The following UEVLD variants were observed in gnomAD, a reference collection of about 807,000 sequenced individuals.
UEVLD encodes the protein ubiquitin-conjugating enzyme E2 variant 3.
A neutral mutation model predicts 58.6 loss-of-function variants in UEVLD; 47 were observed. The ratio of observed to expected loss-of-function variants is 0.80; its 90% confidence interval spans 0.63 to 1.02. UEVLD has a LOEUF of 1.02. Ranked by LOEUF, UEVLD falls within the 50% of genes least tolerant of loss-of-function variation. The probability of loss-of-function intolerance (pLI) is 0.00; values close to 1 mark genes in which losing one functional copy is unlikely to be tolerated. For missense variants in UEVLD, 510 were observed against 550.6 expected, an observed-to-expected ratio of 0.93 and a Z score of 0.74; for synonymous variants, 197 against 195.3, an observed-to-expected ratio of 1.01 and a Z score of -0.07.
intron 1 of UEVLD, chr11:18,579,442 A>T (rs1853117140): frequency 1.0e-6 from 1 of 985,298 alleles, no homozygotes; most frequent in South Asian, 4.7e-5. Flanking sequence ...AGACAGCTTA[A>T]ATGATGAGGC....
At chr11:18,560,090 TACACACACACACACACACAC>T (rs71050609) in intron 6 of UEVLD, among the ~76,000 whole-genome samples, 41 of 76,104 alleles carry the variant, frequency 5.4e-4, no homozygotes, top group African/African-American at 1.2e-3. Context: ...ACCCCGTCTC[TACACACACACACACACACAC>T]ACACACACAC....
At chr11:18,570,582 C>T in intron 3 of UEVLD, 1 of 316,978 alleles carries the variant, frequency 3.2e-6, no homozygotes, top group Non-Finnish European at 5.6e-6. Flanking sequence ...CCCATCTCTA[C>T]AAAAAATTTT....
In UEVLD at chr11:18,530,106, C is replaced by A. The variant is rs1351626850; in HGVS notation, c.*2214G>T. ...AATATTTTCTGGTTAGATTATTGTTCAAAAGCATATTACATATTATCTAAC... is the reference window on the plus strand; with the variant it reads ...AATATTTTCTGGTTAGATTATTGTTAAAAAGCATATTACATATTATCTAAC... On this transcript the variant is annotated 3_prime_UTR_variant, in exon 12 of 12. Coordinates refer to ENST00000396197, the MANE Select transcript of UEVLD (RefSeq NM_001040697.4). 1 of 151,992 alleles carries A rather than the reference C, an allele frequency of 6.6e-6. No homozygotes were observed. The highest frequency in any genetic ancestry group is 1.5e-5 in the Non-Finnish European group (1 of 67,978). The allele number at this position is 151,992 out of a possible 1,614,324, so 9.4% of individuals were successfully genotyped here.
In UEVLD at chr11:18,578,767, T is replaced by C; in HGVS notation, c.84A>G (p.Val28=). 6.2e-7 allele frequency: 1 copy of C among 1,608,910 alleles called. No homozygotes were observed. Among genetic ancestry groups the C allele is most frequent in the Non-Finnish European group, 8.5e-7 (1 of 1,177,548 alleles). ...RDLTVEELRN[V]NVFFPHFKYS... ...ATTTGAAATGTGGGAAAAATACATTTACATTCCTTAGTTCTTCCACAGTTA... is the reference window on the plus strand; with the variant it reads ...ATTTGAAATGTGGGAAAAATACATTCACATTCCTTAGTTCTTCCACAGTTA... Residue 28 remains valine, a synonymous_variant, in exon 2 of 12, where the codon GTA becomes GTG. Coordinates refer to ENST00000396197, the MANE Select transcript of UEVLD (RefSeq NM_001040697.4).
Position 18,537,324 on chromosome 11 carries a change from A to AT in UEVLD, c.1061-856dup, listed in dbSNP as rs1554974951. ...TGGAAATTTCTTTATATATATATAT[A>AT]TTTTTTTTTTTTTTTCTTTTTCTTT... On this transcript the variant is annotated intron_variant, in intron 9 of 11. Coordinates refer to ENST00000396197, the MANE Select transcript of UEVLD (RefSeq NM_001040697.4). Among the ~76,000 whole-genome samples the AT allele has an allele frequency of 4.8e-3, 625 of 131,556 alleles. 2 individuals are homozygous for AT. The highest frequency in any genetic ancestry group is 8.7e-3 in the African/African-American group (296 of 34,072). 86.3% of individuals were successfully genotyped at this position (131,556 alleles called of 152,430 possible).
chr11:18,588,538 G>C (rs1853708535), intron 1 of UEVLD, 75 bp downstream of exon 1: 2 of 1,551,244 alleles, frequency 1.3e-6, no homozygotes, highest in Non-Finnish European at 1.7e-6. Flanking sequence ...GCAAAACGGA[G>C]GCAACCTGGC....
At chr11:18,582,649 T>C (rs1302686665) in intron 1 of UEVLD, among the ~76,000 whole-genome samples, 1 of 152,012 alleles carries the variant, frequency 6.6e-6, no homozygotes, top group Non-Finnish European at 1.5e-5. Context: ...TTTCACTACA[T>C]ATTAAACAGT....
intron 1 of UEVLD, among the ~76,000 whole-genome samples, chr11:18,582,371 G>C (rs1298565760): frequency 4.0e-5 from 1 of 24,874 alleles, no homozygotes; most frequent in African/African-American, 1.7e-4. Flanking sequence ...GAGCCAAAAA[G>C]TACCTGTTTT....
intron 4 of UEVLD, among the ~76,000 whole-genome samples, chr11:18,568,488 T>C (rs1158257277): frequency 1.3e-5 from 2 of 152,188 alleles, no homozygotes. Context: ...ATGATTTCAA[T>C]TTCTCAAATA....
At chr11:18,544,030 A>G (rs11024709) in intron 9 of UEVLD, among the ~76,000 whole-genome samples, 30,789 of 152,184 alleles carry the variant, frequency 0.2, 3,267 homozygotes, top group East Asian at 0.25. Flanking sequence ...GTTTATTTAA[A>G]TGTTTCTTTC....
intron 10 of UEVLD, among the ~76,000 whole-genome samples, chr11:18,534,776 T>A (rs1850719380): frequency 6.6e-6 from 1 of 152,206 alleles, no homozygotes; most frequent in Non-Finnish European, 1.5e-5. Context: ...TGATAACTAA[T>A]TTGGAGAAAC....
chr11:18,550,217 G>A (rs528835676), intron 7 of UEVLD, among the ~76,000 whole-genome samples: 11 of 152,164 alleles, frequency 7.2e-5, no homozygotes, highest in African/African-American at 2.7e-4. Flanking sequence ...CAAATCCCTG[G>A]GCTCAAACAA....
At chr11:18,580,969 C>A (rs2134067135) in intron 1 of UEVLD, among the ~76,000 whole-genome samples, 1 of 151,516 alleles carries the variant, frequency 6.6e-6, no homozygotes, top group African/African-American at 2.4e-5. Flanking sequence ...TCAAGACTAG[C>A]CTGACCAACA....
intron 8 of UEVLD, among the ~76,000 whole-genome samples, chr11:18,545,360 C>T (rs1018505803): frequency 2.6e-5 from 4 of 151,554 alleles, no homozygotes; most frequent in Non-Finnish European, 5.9e-5. Flanking sequence ...TGTGAGCCAC[C>T]GCGCCCAGCC....
intron 9 of UEVLD, among the ~76,000 whole-genome samples, chr11:18,540,455 G>A (rs1021934160): frequency 2.0e-5 from 3 of 152,088 alleles, no homozygotes; most frequent in Non-Finnish European, 4.4e-5. Context: ...CCAGGACCAA[G>A]GTAAATATAC....
intron 1 of UEVLD, chr11:18,579,428 C>A (rs1853116399): frequency 1.0e-6 from 1 of 985,120 alleles, no homozygotes; most frequent in Admixed American, 6.2e-5. Flanking sequence ...CTCCAAATAC[C>A]TCCAGACAGC....
chr11:18,573,967 C>T (rs1565138074), intron 3 of UEVLD, among the ~76,000 whole-genome samples: 2 of 151,042 alleles, frequency 1.3e-5, no homozygotes, highest in African/African-American at 4.9e-5. Flanking sequence ...CTCAGCCCCC[C>T]TTTCAGTGTA....
intron 1 of UEVLD, among the ~76,000 whole-genome samples, chr11:18,584,385 T>TA (rs1209601621): frequency 1.3e-5 from 2 of 151,762 alleles, no homozygotes; most frequent in East Asian, 1.9e-4. Context: ...TCTGTCTCTT[T>TA]AAAAAAAAGA....
intron 9 of UEVLD, among the ~76,000 whole-genome samples, chr11:18,537,781 G>A (rs1275762373): frequency 1.3e-5 from 2 of 151,872 alleles, no homozygotes; most frequent in Admixed American, 6.6e-5. Context: ...TTCTACCTCA[G>A]CCTCCCAACT....
Sources: allele counts gnomAD v4.1 joint callset (sites outside exome capture counted in the v4.1 genomes callset), GRCh38; gene constraint gnomAD v4.1.1; transcripts MANE v1.5; gene names NCBI Gene and HGNC (gene_info 2026-07-23, HGNC 2026-07-21).